TMEM132C: variants seen among roughly 807,000 people sequenced by gnomAD.
The protein encoded by TMEM132C is transmembrane protein 132C.
A neutral mutation model predicts 61.4 loss-of-function variants in TMEM132C; 29 were observed. That is an observed-to-expected ratio of 0.47 (90% CI 0.35 to 0.64). The LOEUF is 0.64. Ranked by LOEUF, TMEM132C falls within the 30% of genes least tolerant of loss-of-function variation. TMEM132C has a pLI of 0.00. For synonymous variants in TMEM132C, 656 were observed against 633.1 expected, an observed-to-expected ratio of 1.04 and a Z score of -0.54; for missense variants, 1,408 against 1,476.9, an observed-to-expected ratio of 0.95 and a Z score of 0.76.
chr12:128,657,514 G>A (rs1489416514), intron 4 of TMEM132C, among the ~76,000 whole-genome samples: 5 of 151,998 alleles, frequency 3.3e-5, no homozygotes, highest in African/African-American at 4.8e-5. Flanking sequence ...GGGTGACACC[G>A]GGGCTCAATC....
At chr12:128,368,807 G>C (rs973887500) in intron 1 of TMEM132C, among the ~76,000 whole-genome samples, 32 of 152,198 alleles carry the variant, frequency 2.1e-4, no homozygotes, top group Non-Finnish European at 4.6e-4. Context: ...CAAAGCGGGA[G>C]ACTGAGAGTC....
At chr12:128,427,704 C>A (rs1354495286) in intron 2 of TMEM132C, among the ~76,000 whole-genome samples, 2 of 152,130 alleles carry the variant, frequency 1.3e-5, no homozygotes, top group Non-Finnish European at 2.9e-5. Flanking sequence ...TTAAGGCACT[C>A]GGCTGGAGAA....
intron 3 of TMEM132C, among the ~76,000 whole-genome samples, chr12:128,583,373 C>A (rs1200810222): frequency 2.0e-5 from 3 of 149,006 alleles, no homozygotes; most frequent in African/African-American, 7.4e-5. Flanking sequence ...TCTAAGTCTC[C>A]CTTATGCAGA....
intron 1 of TMEM132C, among the ~76,000 whole-genome samples, chr12:128,299,411 A>AT (rs1482604451): frequency 6.6e-6 from 1 of 152,090 alleles, no homozygotes; most frequent in East Asian, 1.9e-4. Flanking sequence ...GGTCCATGAG[A>AT]TTTTGAGTTA....
At chr12:128,557,011 A>T (rs1432258404) in intron 3 of TMEM132C, among the ~76,000 whole-genome samples, 1 of 152,182 alleles carries the variant, frequency 6.6e-6, no homozygotes, top group African/African-American at 2.4e-5. Context: ...AAAACAGGGG[A>T]ACTCCTCTGA....
At chr12:128,671,351 A>G (rs946366471) in intron 5 of TMEM132C, among the ~76,000 whole-genome samples, 3 of 152,186 alleles carry the variant, frequency 2.0e-5, no homozygotes, top group Admixed American at 2.0e-4. Context: ...ATGATGCTAC[A>G]CCACAATGCT....
chr12:128,352,562 T>C (rs1206118777), intron 1 of TMEM132C, among the ~76,000 whole-genome samples: 1 of 152,176 alleles, frequency 6.6e-6, no homozygotes, highest in Non-Finnish European at 1.5e-5. Flanking sequence ...AAAATAATGT[T>C]TGACCAAATA....
intron 1 of TMEM132C, among the ~76,000 whole-genome samples, chr12:128,377,959 G>A (rs1020134692): frequency 6.6e-6 from 1 of 152,116 alleles, no homozygotes; most frequent in South Asian, 2.1e-4. Flanking sequence ...CCATGGACAA[G>A]TTATTTGTGC....
chr12:128,386,453 CT>C (rs1173140849), intron 1 of TMEM132C, among the ~76,000 whole-genome samples: 2 of 152,214 alleles, frequency 1.3e-5, no homozygotes, highest in Non-Finnish European at 2.9e-5. Flanking sequence ...TTCCGTTGGG[CT>C]TCCCCAAATC....
intron 1 of TMEM132C, among the ~76,000 whole-genome samples, chr12:128,352,175 G>A (rs1388324966): frequency 6.6e-6 from 1 of 152,188 alleles, no homozygotes; most frequent in South Asian, 2.1e-4. Flanking sequence ...CTGAGACTGG[G>A]TATTTATAAA....
chr12:128,692,820 C>T lies in TMEM132C; in HGVS notation c.1450-1009C>T, dbSNP rs79616951. 2.5e-3 allele frequency among the ~76,000 whole-genome samples: 377 copies of T among 152,300 alleles called. 2 individuals carry two copies. The highest frequency in any genetic ancestry group is 8.4e-3 in the African/African-American group (348 of 41,560). ...CATATTTGAATGAATAATCTGGGAA[C>T]ACAAAAGCCACATACTTGCAACCTT... On this transcript the variant is annotated intron_variant, in intron 5 of 8. Transcript: ENST00000435159.
At position 128,373,025 on chromosome 12, in the gene TMEM132C, C is replaced by T. The variant is rs1418991366; in HGVS notation, c.86-41707C>T. Reference sequence around the variant, plus strand: ...TTGCCCATTACAAAGGATATTAGACCAGTCAGGACTGCTTTTGGAGACAAG... The same window carrying T: ...TTGCCCATTACAAAGGATATTAGACTAGTCAGGACTGCTTTTGGAGACAAG... On this transcript the variant is annotated intron_variant, in intron 1 of 8. Coordinates refer to ENST00000435159, the MANE Select transcript of TMEM132C (RefSeq NM_001136103.3). 2.6e-5 allele frequency among the ~76,000 whole-genome samples: 4 copies of T among 152,176 alleles called. No individual in the cohort carries two copies. In the East Asian group the frequency reaches 7.7e-4, roughly 29 times the overall value.
chr12:128,403,723 C>CA (rs1875245778), intron 1 of TMEM132C, among the ~76,000 whole-genome samples: 2 of 31,222 alleles, frequency 6.4e-5, no homozygotes, highest in African/African-American at 8.5e-5. Flanking sequence ...CAAAACAAAA[C>CA]AAAATCCTCA....
rs528950508 is a variant in TMEM132C, at chr12:128,305,807, G to C, written c.85+38320G>C. Among the ~76,000 whole-genome samples the C allele has an allele frequency of 5.9e-5, 9 of 152,248 alleles. No homozygotes were observed. In the East Asian group the frequency reaches 1.5e-3, roughly 26 times the overall value. On this transcript the variant is annotated intron_variant, in intron 1 of 8. Coordinates refer to ENST00000435159, the MANE Select transcript of TMEM132C (RefSeq NM_001136103.3). ...ATCTGCGTCTGGATGTTTGAAGATG[G>C]TGCTGATTGCTGGCAGACCTTTCCA...
At chr12:128,649,921 G>A (rs759074080) in intron 4 of TMEM132C, among the ~76,000 whole-genome samples, 2 of 152,176 alleles carry the variant, frequency 1.3e-5, no homozygotes, top group Non-Finnish European at 2.9e-5. Flanking sequence ...CTGTACCCCA[G>A]CTTGCACTAT....
At position 128,402,820 on chromosome 12, in the gene TMEM132C, A is replaced by G. The variant is rs572958567; in HGVS notation, c.86-11912A>G. Among the ~76,000 whole-genome samples the G allele has an allele frequency of 1.5e-4, 23 of 152,326 alleles. 1 individual carries two copies. In the East Asian group the frequency reaches 3.9e-3, roughly 26 times the overall value. Reference sequence around the variant, plus strand: ...CTGGTAAATATTTCCCTCTGTGCCTACCTAGGGCACCCTTCTTGTGCTGAT... The same window carrying G: ...CTGGTAAATATTTCCCTCTGTGCCTGCCTAGGGCACCCTTCTTGTGCTGAT... On this transcript the variant is annotated intron_variant, in intron 1 of 8. Transcript: ENST00000435159.
At chr12:128,653,677 C>T (rs1044442660) in intron 4 of TMEM132C, among the ~76,000 whole-genome samples, 2 of 152,122 alleles carry the variant, frequency 1.3e-5, no homozygotes, top group Non-Finnish European at 2.9e-5. Context: ...ATGTAAGTGC[C>T]GGCTCATTGG....
At chr12:128,576,707 G>A (rs775071415) in intron 3 of TMEM132C, among the ~76,000 whole-genome samples, 37 of 152,326 alleles carry the variant, frequency 2.4e-4, no homozygotes, top group South Asian at 2.1e-4. Context: ...CCATTTGTCC[G>A]TGATCGCACA....
chr12:128,321,340 A>G (rs1271274416), intron 1 of TMEM132C, among the ~76,000 whole-genome samples: 1 of 152,036 alleles, frequency 6.6e-6, no homozygotes, highest in Non-Finnish European at 1.5e-5. Flanking sequence ...ACTTGGAGGA[A>G]CCTCCAAGGA....
Sources: gnomAD v4.1 joint callset for allele counts (sites outside exome capture counted in the v4.1 genomes callset) on GRCh38, gnomAD v4.1.1 for gene constraint, MANE v1.5 for transcripts, NCBI Gene and HGNC (gene_info 2026-07-23, HGNC 2026-07-21) for gene names.